Variants in LRFN5 observed in about 807,000 individuals in gnomAD.
The protein encoded by LRFN5 is leucine rich repeat and fibronectin type III domain containing 5.
LRFN5 carries 24 observed loss-of-function variants against 45.6 expected under a neutral mutation model. The observed-to-expected ratio is 0.53, with a 90% confidence interval of 0.38 to 0.74. The LOEUF (loss-of-function observed/expected upper bound fraction) is 0.74, where lower values mean the gene tolerates loss of function less well. Ranked by LOEUF, LRFN5 falls within the 30% of genes least tolerant of loss-of-function variation. The pLI is 0.00. For synonymous variants in LRFN5, 340 were observed against 313.8 expected (o/e 1.08, Z -0.88); for missense variants, 776 against 861.5 (o/e 0.90, Z 1.24).
chr14:41,694,823 A>T lies in LRFN5; in HGVS notation c.-196-72031A>T, dbSNP rs565920829. Among the ~76,000 whole-genome samples, 10 of 152,048 alleles carry T rather than the reference A, an allele frequency of 6.6e-5. No homozygotes were observed. The South Asian group carries it at 2.1e-3, about 32-fold the overall frequency. ...TATGTAATTATTTTGGGGGACCAAA[A>T]AACATTCCCATACAAGATAAGGCCA... On this transcript the variant is annotated intron_variant, in intron 1 of 5. Transcript: ENST00000298119.
At chr14:41,705,834 C>G (rs1406986993) in intron 1 of LRFN5, among the ~76,000 whole-genome samples, 1 of 142,868 alleles carries the variant, frequency 7.0e-6, no homozygotes, top group East Asian at 2.0e-4. Context: ...TGTTTCATAT[C>G]CCTCAAACAC....
intron 4 of LRFN5, chr14:41,894,875 A>T: frequency 1.0e-6 from 1 of 983,216 alleles, no homozygotes; most frequent in Non-Finnish European, 1.2e-6. Flanking sequence ...TCTGTCATTT[A>T]TTATTTTATT....
intron 1 of LRFN5, among the ~76,000 whole-genome samples, chr14:41,643,782 C>G (rs1381290084): frequency 6.6e-6 from 1 of 152,162 alleles, no homozygotes; most frequent in South Asian, 2.1e-4. Context: ...TTTTAACCCT[C>G]TGCTTTAAAC....
intron 1 of LRFN5, among the ~76,000 whole-genome samples, chr14:41,717,539 C>T (rs1883541541): frequency 6.6e-6 from 1 of 152,168 alleles, no homozygotes; most frequent in South Asian, 2.1e-4. Flanking sequence ...GATGAAATTC[C>T]TGAGTCTCTC....
At chr14:41,648,580 A>G (rs1879932958) in intron 1 of LRFN5, among the ~76,000 whole-genome samples, 1 of 152,182 alleles carries the variant, frequency 6.6e-6, no homozygotes, top group South Asian at 2.1e-4. Context: ...AGACATGTAT[A>G]AAAACTTTAT....
chr14:41,673,667 G>T (rs1000260126), intron 1 of LRFN5, among the ~76,000 whole-genome samples: 9 of 145,262 alleles, frequency 6.2e-5, no homozygotes, highest in African/African-American at 1.0e-4. Flanking sequence ...GGCCGGGCAG[G>T]GGGGCTGACC....
At chr14:41,777,020 T>C (rs1045449497) in intron 2 of LRFN5, among the ~76,000 whole-genome samples, 1 of 151,980 alleles carries the variant, frequency 6.6e-6, no homozygotes, top group Non-Finnish European at 1.5e-5. Flanking sequence ...TATGAATGGA[T>C]ATATCTTGAT....
chr14:41,628,877 C>T (rs2138574569), intron 1 of LRFN5, among the ~76,000 whole-genome samples: 1 of 152,170 alleles, frequency 6.6e-6, no homozygotes, highest in East Asian at 1.9e-4. Context: ...TTTTGTGTCT[C>T]CTGTCAGCGC....
intron 1 of LRFN5, among the ~76,000 whole-genome samples, chr14:41,624,971 A>G (rs1888275339): frequency 6.6e-6 from 1 of 151,914 alleles, no homozygotes; most frequent in Non-Finnish European, 1.5e-5. Context: ...TATCCTAATC[A>G]TAGGCAATCA....
intron 2 of LRFN5, among the ~76,000 whole-genome samples, chr14:41,841,180 A>G (rs999683721): frequency 6.6e-6 from 1 of 151,964 alleles, no homozygotes; most frequent in Non-Finnish European, 1.5e-5. Context: ...TAAACCAGTG[A>G]TTCTAGTATC....
At chr14:41,701,754 A>G (rs1446179027) in intron 1 of LRFN5, among the ~76,000 whole-genome samples, 1 of 152,180 alleles carries the variant, frequency 6.6e-6, no homozygotes, top group Non-Finnish European at 1.5e-5. Flanking sequence ...GAGAAGGCTC[A>G]GGATGATGGT....
intron 5 of LRFN5, among the ~76,000 whole-genome samples, chr14:41,903,829 T>C (rs577174773): frequency 1.3e-5 from 2 of 152,204 alleles, no homozygotes; most frequent in African/African-American, 4.8e-5. Context: ...CTTGAAATTA[T>C]ATATGTGAAA....
At chr14:41,670,883 T>C (rs1036613306) in intron 1 of LRFN5, among the ~76,000 whole-genome samples, 3 of 152,092 alleles carry the variant, frequency 2.0e-5, no homozygotes, top group African/African-American at 7.2e-5. Flanking sequence ...TTATTTCTTA[T>C]ATGTTCTATT....
chr14:41,682,393 A>G lies in LRFN5; in HGVS notation c.-197+73831A>G, dbSNP rs550705934. 3.6e-4 allele frequency among the ~76,000 whole-genome samples: 55 copies of G among 152,198 alleles called. 1 individual carries two copies. The East Asian group carries it at 8.9e-3, about 25-fold the overall frequency. On this transcript the variant is annotated intron_variant, in intron 1 of 5. Coordinates refer to ENST00000298119, the MANE Select transcript of LRFN5 (RefSeq NM_152447.5). ...GTTTTTATTAGTTATCTGTTTACTT[A>G]TTAGTTAATTTTTTTATGGAAAAAA...
chr14:41,795,987 T>A (rs1222299390), intron 2 of LRFN5, among the ~76,000 whole-genome samples: 3 of 151,998 alleles, frequency 2.0e-5, no homozygotes, highest in Non-Finnish European at 2.9e-5. Context: ...TTAAAGACAC[T>A]TTTTATCTTA....
At chr14:41,688,119 T>C (rs1882203024) in intron 1 of LRFN5, among the ~76,000 whole-genome samples, 1 of 152,128 alleles carries the variant, frequency 6.6e-6, no homozygotes. Context: ...AAATTAACAG[T>C]TGAGCACATG....
At chr14:41,813,584 A>G (rs1297377065) in intron 2 of LRFN5, among the ~76,000 whole-genome samples, 1 of 151,772 alleles carries the variant, frequency 6.6e-6, no homozygotes, top group Non-Finnish European at 1.5e-5. Context: ...TTTCTTATCC[A>G]TCTATCATTG....
rs1440094622 is a variant in LRFN5 at position 41,608,021 on chromosome 14, A to AATGT, written c.-737_-734dup. On this transcript the variant is annotated 5_prime_UTR_variant, in exon 1 of 6. In the 5' UTR this introduces an upstream ATG that the reference lacks. Transcript: ENST00000298119. ...TTCTCGGCTCCCTCCTCCCCACCAA[A>AATGT]ATGTCACCAGCTCTTGAATTACGTG... 6.6e-6 allele frequency: 1 copy of AATGT among 152,174 alleles called. No individual in the cohort carries two copies. The highest frequency in any genetic ancestry group is 2.4e-5 in the African/African-American group (1 of 41,432). 9.4% of individuals were successfully genotyped at this position (152,174 alleles called of 1,614,324 possible). A position where few individuals can be genotyped will look rare whatever the true frequency, so the allele number is the denominator to read the frequency against.
intron 1 of LRFN5, among the ~76,000 whole-genome samples, chr14:41,617,706 T>C (rs1305339646): frequency 6.6e-6 from 1 of 152,168 alleles, no homozygotes; most frequent in African/African-American, 2.4e-5. Context: ...CTAAAACTTT[T>C]TGATAAAATA....
Sources: allele counts gnomAD v4.1 joint callset (sites outside exome capture counted in the v4.1 genomes callset), GRCh38; gene constraint gnomAD v4.1.1; transcripts MANE v1.5; gene names NCBI Gene and HGNC (gene_info 2026-07-23, HGNC 2026-07-21).